The following ZNF469 variants were observed in gnomAD, a reference collection of about 807,000 sequenced individuals.
ZNF469 encodes the protein zinc finger protein 469.
ZNF469 carries 1 observed loss-of-function variant against 1.0 expected under a neutral mutation model. The observed-to-expected ratio is 1.00, with a 90% CI of 0.35 to 4.73. ZNF469 has a LOEUF of 4.73. Ranked by LOEUF, ZNF469 falls within the 30% of genes most tolerant of loss-of-function variation. The pLI is 0.16. For missense variants in ZNF469, 6,100 were observed against 5,356.3 expected, an observed-to-expected ratio of 1.14 and a Z score of -4.33; for synonymous variants, 2,703 against 2,363.4, an observed-to-expected ratio of 1.14 and a Z score of -4.17.
In ZNF469 at chr16:88,419,022, G is replaced by A. The variant is rs112640994; in HGVS notation, c.-191-5785G>A. On this transcript the variant is annotated intron_variant, in intron 1 of 2. Transcript: ENST00000565624. ...GCCTGCCCAAGTTGTGAATGGGGCC[G>A]GATGGGTGTGATGGGCAGACACGAT... Among the ~76,000 whole-genome samples the A allele has an allele frequency of 3.1e-3, 475 of 152,358 alleles. 3 individuals are homozygous for A. The highest frequency in any genetic ancestry group is 0.011 in the African/African-American group (440 of 41,578).
upstream of ZNF469, among the ~76,000 whole-genome samples, chr16:88,380,796 TCACACATG>T (rs1567495635): frequency 6.7e-5 from 4 of 59,428 alleles, no homozygotes; most frequent in Non-Finnish European, 1.1e-4. Context: ...ACACATGCAC[TCACACATG>T]CACACACACC....
the ZNF469 span, among the ~76,000 whole-genome samples, chr16:88,151,283 G>A: frequency 1.3e-5 from 2 of 152,266 alleles, no homozygotes; most frequent in African/African-American, 4.8e-5. This position sits in a 1 kb window ranked among gnomAD's most constrained non-coding sequence, Gnocchi z 5.4. Flanking sequence ...CAGATCACAC[G>A]GGCGCGGGCC....
In ZNF469 at chr16:88,432,977, C is replaced by T; in HGVS notation, c.5507C>T (p.Ala1836Val). The part of the protein sequence containing the change: ...SPSHAAQGHS[A>V]GRAGGHLHPT... ...AGCCATGCTGCCCAGGGACATTCTG[C>T]AGGCAGAGCAGGTGGGCACCTCCAC... Residue 1836 changes from alanine to valine, a missense_variant, in exon 3 of 3, where the codon GCA becomes GTA. Ala to Val is a moderately conservative substitution (Grantham distance 64, BLOSUM62 0). Coordinates refer to ENST00000565624, the MANE Select transcript of ZNF469 (RefSeq NM_001367624.2). 1.3e-6 allele frequency: 2 copies of T among 1,550,394 alleles called. No individual in the cohort carries two copies. Among genetic ancestry groups the T allele is most frequent in the Non-Finnish European group, 1.7e-6 (2 of 1,146,984 alleles).
the ZNF469 span, among the ~76,000 whole-genome samples, chr16:88,268,370 G>T: frequency 6.6e-6 from 1 of 151,820 alleles, no homozygotes; most frequent in Non-Finnish European, 1.5e-5. Flanking sequence ...GATTTCAGTC[G>T]TTTTTTCACC....
At chr16:88,264,673 T>C in the ZNF469 span, among the ~76,000 whole-genome samples, 1 of 151,272 alleles carries the variant, frequency 6.6e-6, no homozygotes, top group Non-Finnish European at 1.5e-5. Context: ...AGACACACCT[T>C]TGTCCGGCCT....
chr16:88,273,804 ATT>A, the ZNF469 span, among the ~76,000 whole-genome samples: 115 of 135,176 alleles, frequency 8.5e-4, no homozygotes, highest in Non-Finnish European at 7.8e-4. Context: ...ACTGTGGAAT[ATT>A]TTTTTTTTTT....
At chr16:88,105,922 G>GGGCCTGGCT in the ZNF469 span, among the ~76,000 whole-genome samples, 1 of 152,240 alleles carries the variant, frequency 6.6e-6, no homozygotes, top group African/African-American at 2.4e-5. Flanking sequence ...GTGGACAGCA[G>GGGCCTGGCT]GGCCTGGCTG....
At chr16:88,278,557 C>T in the ZNF469 span, among the ~76,000 whole-genome samples, 29 of 114,378 alleles carry the variant, frequency 2.5e-4, 1 homozygote, top group Non-Finnish European at 4.6e-4. Context: ...ACCACACTGA[C>T]GCTTGGTCAG....
At chr16:88,412,935 G>T (rs530484459) in intron 1 of ZNF469, among the ~76,000 whole-genome samples, 1 of 152,096 alleles carries the variant, frequency 6.6e-6, no homozygotes, top group Admixed American at 6.5e-5. Flanking sequence ...GCCACAGCCG[G>T]GGCCCGGGCA....
chr16:88,127,319 T>G, the ZNF469 span, among the ~76,000 whole-genome samples: 1 of 152,176 alleles, frequency 6.6e-6, no homozygotes, highest in Admixed American at 6.5e-5. Flanking sequence ...GTCATTCTCT[T>G]CCTTAAATGT....
At chr16:88,160,826 C>G in the ZNF469 span, among the ~76,000 whole-genome samples, 1 of 152,172 alleles carries the variant, frequency 6.6e-6, no homozygotes, top group African/African-American at 2.4e-5. Flanking sequence ...CAGGCAGGAA[C>G]AGTGAGCAGC....
At chr16:88,324,847 A>G in the ZNF469 span, among the ~76,000 whole-genome samples, 2 of 152,108 alleles carry the variant, frequency 1.3e-5, no homozygotes, top group African/African-American at 4.8e-5. Flanking sequence ...CTGTTCTTGC[A>G]CTGCTATAGA....
the ZNF469 span, among the ~76,000 whole-genome samples, chr16:88,186,549 C>T: frequency 1.3e-5 from 2 of 152,348 alleles, no homozygotes; most frequent in Admixed American, 6.5e-5. Flanking sequence ...CCGACCGCCT[C>T]TGCTCCCAGA....
At chr16:88,197,845 C>T in the ZNF469 span, among the ~76,000 whole-genome samples, 13 of 152,352 alleles carry the variant, frequency 8.5e-5, no homozygotes, top group South Asian at 2.3e-3. Flanking sequence ...GCCTGTGTGT[C>T]CTCACAGCAT....
At chr16:88,193,171 G>GT in the ZNF469 span, among the ~76,000 whole-genome samples, 17 of 5,582 alleles carry the variant, frequency 3.0e-3, no homozygotes, top group Admixed American at 4.6e-3. Flanking sequence ...GATGGTGGTG[G>GT]GGATGGTGGT....
the ZNF469 span, among the ~76,000 whole-genome samples, chr16:88,363,287 G>A: frequency 2.0e-5 from 3 of 152,158 alleles, no homozygotes; most frequent in Non-Finnish European, 4.4e-5. Context: ...TACATGTCAG[G>A]TAATTTCAGA....
the ZNF469 span, among the ~76,000 whole-genome samples, chr16:88,229,473 C>T: frequency 6.6e-6 from 1 of 152,310 alleles, no homozygotes; most frequent in African/African-American, 2.4e-5. Flanking sequence ...CCTCTGTGGT[C>T]ATTACGTGCG....
rs1187622865 is a variant in ZNF469, at chr16:88,433,559, C to A, written c.6089C>A (p.Thr2030Asn). Residue 2030 changes from threonine (T) to asparagine (N), a missense_variant, in exon 3 of 3, where the codon ACC becomes AAC. Coordinates refer to ENST00000565624, the MANE Select transcript of ZNF469 (RefSeq NM_001367624.2). Reference protein sequence around the residue: ...ASPKTALTGPTEGAVLLEKCK... With the variant: ...ASPKTALTGPNEGAVLLEKCK... ...CCCAAAACAGCGCTGACCGGCCCCA[C>A]CGAGGGTGCAGTCCTGCTAGAGAAA... 4 of 1,550,248 alleles carry A rather than the reference C, an allele frequency of 2.6e-6. No homozygotes were observed. The Admixed American group carries it at 7.8e-5, about 30-fold the overall frequency.
the ZNF469 span, among the ~76,000 whole-genome samples, chr16:88,236,394 T>TA: frequency 6.6e-6 from 1 of 152,280 alleles, no homozygotes; most frequent in Non-Finnish European, 1.5e-5. Context: ...CTGTCAGTCT[T>TA]AAAGTCTCAG....
Sources: allele counts gnomAD v4.1 joint callset (sites outside exome capture counted in the v4.1 genomes callset), GRCh38; gene constraint gnomAD v4.1.1; non-coding constraint Gnocchi (gnomAD v3.1); transcripts MANE v1.5; gene names NCBI Gene and HGNC (gene_info 2026-07-23, HGNC 2026-07-21).